Variants in H2BC18 observed in about 807,000 individuals in gnomAD.
H2BC18 encodes H2B clustered histone 18, also known as histone H2B type 2-F.
Under a neutral mutation model 6.3 loss-of-function variants are expected in H2BC18, and 8 were observed. The ratio of observed to expected loss-of-function variants is 1.28; its 90% confidence interval spans 0.75 to 2.31. H2BC18 has a LOEUF of 2.31. Among genes scored for constraint, H2BC18 ranks in the 30% most tolerant of loss-of-function variants. The probability of loss-of-function intolerance (pLI) is 0.00; values close to 1 mark genes in which losing one functional copy is unlikely to be tolerated. For missense variants in H2BC18, 106 were observed against 174.5 expected, an observed-to-expected ratio of 0.61 and a Z score of 2.21; for synonymous variants, 104 against 78.1, an observed-to-expected ratio of 1.33 and a Z score of -1.75.
intron 1 of H2BC18, among the ~76,000 whole-genome samples, chr1:149,799,460 G>A (rs587746125): frequency 6.4e-4 from 97 of 152,144 alleles, no homozygotes; most frequent in Non-Finnish European, 1.1e-3. Context: ...ATGTATGTAT[G>A]CATTTAGATC....
intron 1 of H2BC18, among the ~76,000 whole-genome samples, chr1:149,784,528 C>A (rs1553750590): frequency 6.6e-6 from 1 of 151,884 alleles, no homozygotes; most frequent in Middle Eastern, 3.2e-3. Flanking sequence ...CAAATGTATG[C>A]CTGTACATAG....
chr1:149,793,657 G>A (rs1458725103), intron 1 of H2BC18, among the ~76,000 whole-genome samples: 2 of 151,752 alleles, frequency 1.3e-5, no homozygotes, highest in Non-Finnish European at 2.9e-5. Flanking sequence ...CCAAGCCAAA[G>A]CACAGCTCCC....
At chr1:149,797,958 G>C (rs1330823599) in intron 1 of H2BC18, among the ~76,000 whole-genome samples, 1 of 151,078 alleles carries the variant, frequency 6.6e-6, no homozygotes, top group South Asian at 2.1e-4. Flanking sequence ...ATATTTCACA[G>C]TGGAATGACA....
At chr1:149,802,920 C>T (rs587614258) in intron 1 of H2BC18, among the ~76,000 whole-genome samples, 1 of 152,158 alleles carries the variant, frequency 6.6e-6, no homozygotes, top group Non-Finnish European at 1.5e-5. Flanking sequence ...TTGTAGCTAC[C>T]CTGGCAGCCG....
intron 1 of H2BC18, among the ~76,000 whole-genome samples, chr1:149,785,336 T>A (rs1383319012): frequency 6.6e-6 from 1 of 151,036 alleles, no homozygotes; most frequent in Admixed American, 6.6e-5. Context: ...TTGATGTTCC[T>A]CATGTGTCCC....
chr1:149,806,517 G>T (rs2091918615), intron 1 of H2BC18, among the ~76,000 whole-genome samples: 1 of 152,118 alleles, frequency 6.6e-6, no homozygotes, highest in African/African-American at 2.4e-5. Context: ...GAACCCAGGA[G>T]GTGGAGGTTG....
At chr1:149,803,670 T>G (rs1553753594) in intron 1 of H2BC18, 1 of 152,260 alleles carries the variant, frequency 6.6e-6, no homozygotes, top group African/African-American at 2.4e-5. Flanking sequence ...TAGTGGTTCT[T>G]CTACTTTGCT....
chr1:149,791,541 G>A (rs782058132), intron 1 of H2BC18: 69 of 1,610,078 alleles, frequency 4.3e-5, no homozygotes, highest in Non-Finnish European at 5.3e-5. Context: ...GGTGGCCATC[G>A]ATCTGGACCG....
chr1:149,789,597 C>T (rs2102055310), intron 1 of H2BC18, among the ~76,000 whole-genome samples: 1 of 152,218 alleles, frequency 6.6e-6, no homozygotes, highest in East Asian at 1.9e-4. Flanking sequence ...AACTGGGCTG[C>T]ACAGCAGGAG....
In H2BC18 at chr1:149,811,944, T is replaced by G; in HGVS notation, c.380A>C (p.Ter127SerextTer?). 1 of 1,613,036 alleles carries G rather than the reference T, an allele frequency of 6.2e-7. No homozygotes were observed. ...ATCTATTGCGTCCCTTGCACACTCT[T>G]ACTTCGAGCTGGTGTACTTGGTGAC... ...KAVTKYTSSK* is the reference protein window; with the variant it reads ...KAVTKYTSSKS The change falls in exon 1 of 1, where the codon TAA becomes TCA. Residue 127 changes from the stop codon to serine, a stop_lost. Coordinates refer to ENST00000369167, the MANE Select transcript of H2BC18 (RefSeq NM_001024599.5).
chr1:149,784,645 T>C (rs587683696), intron 1 of H2BC18, among the ~76,000 whole-genome samples: 32 of 149,894 alleles, frequency 2.1e-4, no homozygotes, highest in African/African-American at 7.8e-4. Context: ...AAACTGCTAA[T>C]ATATATATAC....
In H2BC18 at chr1:149,792,534, C is replaced by A. The variant is rs1479610184; in HGVS notation, c.378-9274G>T. 3.4e-6 allele frequency: 4 copies of A among 1,162,608 alleles called. No homozygotes were observed. In the African/African-American group the frequency reaches 6.8e-5, roughly 20 times the overall value. The allele number at this position is 1,162,608 out of a possible 1,614,324, so 72.0% of individuals were successfully genotyped here. On this transcript the variant is annotated intron_variant, in intron 1 of 1. Transcript: ENST00000545683. ...GTATGACACACACAGCAACTTGATT[C>A]TAGATTATTTGGTTTGATCCGTAAA...
chr1:149,804,414 G>A (rs1236455589), intron 1 of H2BC18, among the ~76,000 whole-genome samples: 4 of 152,264 alleles, frequency 2.6e-5, no homozygotes, highest in Middle Eastern at 3.4e-3. Flanking sequence ...CATAACAAAG[G>A]TCCTACAAGT....
At position 149,811,928 on chromosome 1, in the gene H2BC18, G is replaced by A. The variant is rs1353314195; in HGVS notation, c.*15C>T. 38 of 1,603,124 alleles carry A rather than the reference G, an allele frequency of 2.4e-5. No individual in the cohort carries two copies. In the Admixed American group the frequency reaches 3.7e-4, roughly 16 times the overall value. On this transcript the variant is annotated 3_prime_UTR_variant, in exon 1 of 1. Coordinates refer to ENST00000369167, the MANE Select transcript of H2BC18 (RefSeq NM_001024599.5). ...TGGGGTTAGGTGGTTGATCTATTGCGTCCCTTGCACACTCTTACTTCGAGC... is the reference window on the plus strand; with the variant it reads ...TGGGGTTAGGTGGTTGATCTATTGCATCCCTTGCACACTCTTACTTCGAGC...
At chr1:149,785,825 C>G (rs1385072813) in intron 1 of H2BC18, 4 of 151,960 alleles carry the variant, frequency 2.6e-5, no homozygotes, top group Non-Finnish European at 5.9e-5. Context: ...TCTAGTCCAC[C>G]CCTGACACTG....
chr1:149,809,370 C>CTA (rs1553754195), downstream of H2BC18, among the ~76,000 whole-genome samples: 1 of 149,650 alleles, frequency 6.7e-6, no homozygotes, highest in East Asian at 2.0e-4. Flanking sequence ...ATTTTTGAAT[C>CTA]TATAACAGTT....
intron 1 of H2BC18, among the ~76,000 whole-genome samples, chr1:149,784,700 CTATA>C (rs34346480): frequency 0.79 from 115,416 of 146,114 alleles, 46,864 homozygotes; most frequent in East Asian, 0.99. Flanking sequence ...TATATATAAA[CTATA>C]TATATATATA....
At chr1:149,806,253 C>T (rs2091915685) in intron 1 of H2BC18, among the ~76,000 whole-genome samples, 2 of 152,202 alleles carry the variant, frequency 1.3e-5, no homozygotes, top group South Asian at 4.2e-4. Flanking sequence ...CAGAAATAAA[C>T]AAATAAATAC....
chr1:149,809,396 A>G (rs587731037), downstream of H2BC18, among the ~76,000 whole-genome samples: 7 of 151,914 alleles, frequency 4.6e-5, no homozygotes, highest in African/African-American at 1.7e-4. Context: ...AACTGGGCCA[A>G]TAATTATGAA....
Sources: gnomAD v4.1 joint callset for allele counts (sites outside exome capture counted in the v4.1 genomes callset) on GRCh38, gnomAD v4.1.1 for gene constraint, MANE v1.5 for transcripts, NCBI Gene and HGNC (gene_info 2026-07-23, HGNC 2026-07-21) for gene names.